The following TAMM41 variants were observed in gnomAD, a reference collection of about 807,000 sequenced individuals.
The protein encoded by TAMM41 is phosphatidate cytidylyltransferase, mitochondrial.
In TAMM41, 36 loss-of-function variants were observed where a neutral mutation model predicts 44.1. The ratio of observed to expected loss-of-function variants is 0.82; its 90% CI spans 0.63 to 1.08. TAMM41 has a LOEUF of 1.08. Among genes scored for constraint, TAMM41 ranks in the 50% least tolerant of loss-of-function variants. TAMM41 has a pLI of 0.00. For missense variants in TAMM41, 417 were observed against 404.3 expected (o/e 1.03, Z -0.27); for synonymous variants, 164 against 153.1 (o/e 1.07, Z -0.53).
chr3:11,766,437 G>A, the TAMM41 span, among the ~76,000 whole-genome samples: 1 of 152,078 alleles, frequency 6.6e-6, no homozygotes, highest in South Asian at 2.1e-4. Context: ...CAAAGTGCTG[G>A]GAATACAGGT....
chr3:11,801,738 A>G (rs953528876), intron 7 of TAMM41, among the ~76,000 whole-genome samples: 5 of 152,232 alleles, frequency 3.3e-5, no homozygotes, highest in African/African-American at 9.6e-5. Flanking sequence ...TTACATGTCT[A>G]CATAAAAAAG....
the TAMM41 span, among the ~76,000 whole-genome samples, chr3:11,738,681 GA>G: frequency 2.0e-5 from 3 of 152,226 alleles, no homozygotes; most frequent in East Asian, 5.8e-4. Context: ...CCCAAAAAAT[GA>G]ATCCCACTTT....
the TAMM41 span, among the ~76,000 whole-genome samples, chr3:11,731,341 C>T: frequency 0.15 from 23,147 of 151,906 alleles, 2,087 homozygotes; most frequent in East Asian, 0.42. Flanking sequence ...GTTAAGAACT[C>T]GAATTCTGCA....
chr3:11,770,563 C>G, the TAMM41 span, among the ~76,000 whole-genome samples: 1 of 152,184 alleles, frequency 6.6e-6, no homozygotes, highest in Admixed American at 6.5e-5. Flanking sequence ...CTCTCGGCTA[C>G]GATTCTGTCA....
downstream of TAMM41, among the ~76,000 whole-genome samples, chr3:11,787,439 C>A (rs114168150): frequency 0.031 from 4,713 of 152,284 alleles, 123 homozygotes; most frequent in Non-Finnish European, 0.047. Context: ...CTCTCCACGT[C>A]ATCCCTTCTT....
chr3:11,764,656 C>G, the TAMM41 span, among the ~76,000 whole-genome samples: 4 of 151,640 alleles, frequency 2.6e-5, no homozygotes, highest in Non-Finnish European at 5.9e-5. Context: ...CCACGCCTGG[C>G]TAATTTTTTG....
At chr3:11,844,008 C>A in intron 2 of TAMM41, 21 bp downstream of exon 2, 1 of 1,607,902 alleles carries the variant, frequency 6.2e-7, no homozygotes, top group Non-Finnish European at 8.5e-7. Flanking sequence ...CAAGTTAAGA[C>A]AAAGGCCAGC....
At chr3:11,819,865 CTTTAA>C (rs1370853984) in intron 4 of TAMM41, among the ~76,000 whole-genome samples, 1 of 151,964 alleles carries the variant, frequency 6.6e-6, no homozygotes, top group Admixed American at 6.6e-5. Context: ...TGCATGTGTG[CTTTAA>C]TTTGCTATCT....
chr3:11,806,042 C>T (rs546345738), intron 7 of TAMM41, among the ~76,000 whole-genome samples: 30 of 152,176 alleles, frequency 2.0e-4, no homozygotes, highest in Admixed American at 1.7e-3. Flanking sequence ...TCTTGCCTGC[C>T]GCCATGTAAG....
the TAMM41 span, among the ~76,000 whole-genome samples, chr3:11,741,560 A>G: frequency 1.3e-5 from 2 of 150,200 alleles, no homozygotes; most frequent in Admixed American, 1.3e-4. Context: ...CCACCCACTA[A>G]CTAAGCACTT....
chr3:11,793,059 C>CAAAAAAAAAAAAAA (rs61264653), intron 7 of TAMM41, among the ~76,000 whole-genome samples: 3 of 65,118 alleles, frequency 4.6e-5, no homozygotes, highest in African/African-American at 2.0e-4. Flanking sequence ...GGCCCCATCT[C>CAAAAAAAAAAAAAA]AAAAAAAAAA....
At chr3:11,824,720 G>A (rs973224931) in intron 4 of TAMM41, among the ~76,000 whole-genome samples, 1 of 152,186 alleles carries the variant, frequency 6.6e-6, no homozygotes, top group Admixed American at 6.5e-5. Flanking sequence ...CCTAGTACAT[G>A]TCACATACTA....
chr3:11,764,486 C>CTTTTTTTTTTTTTTTTTTTTTTTTTTT, the TAMM41 span, among the ~76,000 whole-genome samples: 1 of 68,128 alleles, frequency 1.5e-5, no homozygotes, highest in Admixed American at 2.0e-4. Context: ...TAATCTTATT[C>CTTTTTTTTTTTTTTTTTTTTTTTTTTT]TTTTTTTTTT....
At chr3:11,738,766 C>A in the TAMM41 span, among the ~76,000 whole-genome samples, 1 of 152,218 alleles carries the variant, frequency 6.6e-6, no homozygotes, top group Non-Finnish European at 1.5e-5. Context: ...TCCTGACCAG[C>A]AGGAGACATG....
At chr3:11,725,380 C>T in the TAMM41 span, among the ~76,000 whole-genome samples, 278 of 132,262 alleles carry the variant, frequency 2.1e-3, 2 homozygotes, top group Middle Eastern at 8.8e-3. Context: ...TCCTCCTCTT[C>T]CTCCTCCTTC....
the TAMM41 span, among the ~76,000 whole-genome samples, chr3:11,746,417 C>T: frequency 1.4e-3 from 217 of 151,906 alleles, 1 homozygote; most frequent in African/African-American, 5.0e-3. Context: ...GCACAAATGT[C>T]AGAGCAGCTT....
At chr3:11,835,752 G>A (rs964423990) in intron 3 of TAMM41, among the ~76,000 whole-genome samples, 2 of 152,182 alleles carry the variant, frequency 1.3e-5, no homozygotes, top group Non-Finnish European at 2.9e-5. Flanking sequence ...GGCACAGAGA[G>A]AAGGCAAAGA....
At chr3:11,741,302 C>T in the TAMM41 span, among the ~76,000 whole-genome samples, 2 of 147,104 alleles carry the variant, frequency 1.4e-5, no homozygotes, top group East Asian at 2.0e-4. Context: ...CCTGTTGCTG[C>T]GTCCCCACAC....
At chr3:11,809,239 T>C (rs2078013491) in intron 6 of TAMM41, 1 of 445,198 alleles carries the variant, frequency 2.2e-6, no homozygotes, top group Non-Finnish European at 4.0e-6. Flanking sequence ...AAATAAATTC[T>C]AGAAGTTGTG....
Sources: gnomAD v4.1 joint callset for allele counts (sites outside exome capture counted in the v4.1 genomes callset) on GRCh38, gnomAD v4.1.1 for gene constraint, MANE v1.5 for transcripts, NCBI Gene and HGNC (gene_info 2026-07-23, HGNC 2026-07-21) for gene names.